The following BCR variants were observed in gnomAD, a reference collection of about 807,000 sequenced individuals.
The protein encoded by BCR is breakpoint cluster region protein.
In BCR, 58 loss-of-function variants were observed where a neutral mutation model predicts 138.6. The ratio of observed to expected loss-of-function variants is 0.42; its 90% CI spans 0.34 to 0.52. The LOEUF is 0.52. Among genes scored for constraint, BCR ranks in the 20% least tolerant of loss-of-function variants. The pLI is 0.06. For synonymous variants in BCR, 786 were observed against 730.1 expected, an observed-to-expected ratio of 1.08 and a Z score of -1.23; for missense variants, 1,599 against 1,727.2, an observed-to-expected ratio of 0.93 and a Z score of 1.32.
intron 16 of BCR, among the ~76,000 whole-genome samples, chr22:23,304,042 TC>T (rs780515277): frequency 6.6e-5 from 10 of 151,076 alleles, no homozygotes; most frequent in Non-Finnish European, 7.4e-5. Context: ...CAAGTGCTCT[TC>T]CTACCTTAGC....
At chr22:23,264,311 T>C in intron 4 of BCR, 1 of 977,826 alleles carries the variant, frequency 1.0e-6, no homozygotes, top group Non-Finnish European at 1.7e-6. Flanking sequence ...AGCATCTCTA[T>C]GCTGCGCTGT....
intron 1 of BCR, among the ~76,000 whole-genome samples, chr22:23,210,923 T>C (rs1321773144): frequency 6.6e-6 from 1 of 152,204 alleles, no homozygotes; most frequent in Non-Finnish European, 1.5e-5. Context: ...ATACATACCA[T>C]AGAGTTCACC....
chr22:23,292,287 G>A (rs1222776838), intron 14 of BCR, among the ~76,000 whole-genome samples: 1 of 152,216 alleles, frequency 6.6e-6, no homozygotes, highest in Non-Finnish European at 1.5e-5. Flanking sequence ...GATCGACTGA[G>A]TGAACGAATG....
At chr22:23,251,115 T>C (rs757067638) in intron 1 of BCR, 3 of 152,308 alleles carry the variant, frequency 2.0e-5, no homozygotes, top group Non-Finnish European at 2.9e-5. Flanking sequence ...CTTCCTACTT[T>C]GGCTGCTATG....
chr22:23,290,305 C>A (rs775206504), intron 13 of BCR, 34 bp from the exon 14 acceptor site: 2 of 1,598,936 alleles, frequency 1.3e-6, no homozygotes, highest in East Asian at 2.2e-5. Context: ...TTTCCCGGGA[C>A]AACAGAAGCT....
chr22:23,218,625 G>T lies in BCR; in HGVS notation c.1280-35174G>T, dbSNP rs116128953. Among the ~76,000 whole-genome samples, 428 of 152,328 alleles carry T rather than the reference G, an allele frequency of 2.8e-3. 3 individuals carry two copies. Among genetic ancestry groups the T allele is most frequent in the African/African-American group, 0.01 (417 of 41,568 alleles). On this transcript the variant is annotated intron_variant, in intron 1 of 22. Transcript: ENST00000305877. ...GCTGTTCTTCAGCTGTGGGACTCGT[G>T]TGGGGACAAGCTGAACAGTGTGCTG...
In BCR at chr22:23,180,591, C is replaced by CGGCG. The variant is rs1555958114; in HGVS notation, c.-370_-369insGGCG. On this transcript the variant is annotated 5_prime_UTR_variant, in exon 1 of 23. Transcript: ENST00000305877. The stretch of plus-strand genomic sequence containing the variant: ...GAGGAGGCGGCGGCGGCGGCGGCGG[C>CGGCG]ACGGCGGCGGCGGGGCTGTGGGGCG... 1.1e-4 allele frequency: 3 copies of CGGCG among 27,622 alleles called. No individual in the cohort carries two copies. Among genetic ancestry groups the CGGCG allele is most frequent in the East Asian group, 6.6e-4 (1 of 1,522 alleles). The allele number at this position is 27,622 out of a possible 1,614,324, so 1.7% of individuals were successfully genotyped here. A position where few individuals can be genotyped will look rare whatever the true frequency, so the allele number is the denominator to read the frequency against.
intron 1 of BCR, among the ~76,000 whole-genome samples, chr22:23,185,769 C>T (rs1474166405): frequency 2.0e-5 from 3 of 150,152 alleles, no homozygotes; most frequent in Non-Finnish European, 3.0e-5. Flanking sequence ...CGCTCTGTCG[C>T]CCAGGCTGGA....
rs1438580152 is a variant in BCR at position 23,317,078 on chromosome 22, T to C, written c.*1556T>C. The C allele has an allele frequency of 5.6e-6, 1 of 178,396 alleles. No individual in the cohort carries two copies. The highest frequency in any genetic ancestry group is 1.1e-5 in the Non-Finnish European group (1 of 91,230). The allele number at this position is 178,396 out of a possible 1,614,324, so 11.1% of individuals were successfully genotyped here. ...CACCAGCACCCAGTGCGGCTCTGTC[T>C]GGCACCCGCTCCCAAGGTGGGAGGA... On this transcript the variant is annotated 3_prime_UTR_variant, in exon 23 of 23. Transcript: ENST00000305877.
intron 1 of BCR, among the ~76,000 whole-genome samples, chr22:23,210,625 A>C (rs921302742): frequency 6.6e-6 from 1 of 152,122 alleles, no homozygotes; most frequent in African/African-American, 2.4e-5. Context: ...AACTTGCATT[A>C]CCCCTTGTTC....
intron 1 of BCR, among the ~76,000 whole-genome samples, chr22:23,233,766 G>A (rs544799514): frequency 6.7e-6 from 1 of 150,232 alleles, no homozygotes; most frequent in South Asian, 2.1e-4. Flanking sequence ...CGCCAGCCTG[G>A]GTGACAGAGC....
Position 23,312,365 on chromosome 22 carries a change from A to C in BCR, c.3323-522A>C, listed in dbSNP as rs114878096. 878 of 183,464 alleles carry C rather than the reference A, an allele frequency of 4.8e-3. 7 individuals are homozygous for C. The highest frequency in any genetic ancestry group is 0.019 in the African/African-American group (817 of 43,056). The allele number at this position is 183,464 out of a possible 1,614,324, so 11.4% of individuals were successfully genotyped here. On this transcript the variant is annotated intron_variant, in intron 19 of 22. Transcript: ENST00000305877. Reference sequence around the variant, plus strand: ...ACCCTTCTTTGGGGCACACACCACCAACCCTGACCAGGACCCCTAGAATGC... The same window carrying C: ...ACCCTTCTTTGGGGCACACACCACCCACCCTGACCAGGACCCCTAGAATGC...
intron 15 of BCR, among the ~76,000 whole-genome samples, chr22:23,294,141 G>A (rs1402063863): frequency 2.0e-5 from 3 of 152,148 alleles, no homozygotes. Context: ...GAGTTCCCAT[G>A]TACCTCCTGC....
At chr22:23,313,107 GA>G (rs1417367916) in intron 20 of BCR, 86 bp downstream of exon 20, 1 of 1,487,218 alleles carries the variant, frequency 6.7e-7, no homozygotes, top group Non-Finnish European at 9.1e-7. Flanking sequence ...TGAGGTGTGG[GA>G]ACCCAAGCTG....
intron 19 of BCR, 49 bp from the exon 20 acceptor site, chr22:23,312,838 C>G: frequency 6.3e-7 from 1 of 1,594,026 alleles, no homozygotes; most frequent in Non-Finnish European, 8.5e-7. Flanking sequence ...TGGTGGGAGA[C>G]TCACTCGGGA....
intron 1 of BCR, among the ~76,000 whole-genome samples, chr22:23,240,100 C>T (rs1027408619): frequency 9.9e-5 from 15 of 152,012 alleles, no homozygotes; most frequent in Admixed American, 1.3e-4. Context: ...TGAGCCACCA[C>T]GCCAGGCCAC....
chr22:23,263,193 C>CCGGCTG (rs1302021090), intron 4 of BCR: 2 of 897,326 alleles, frequency 2.2e-6, no homozygotes, highest in Admixed American at 2.9e-5. Flanking sequence ...AGCCGCCTGC[C>CCGGCTG]CGGCTGCGGG....
At chr22:23,234,686 G>A (rs1007352280) in intron 1 of BCR, among the ~76,000 whole-genome samples, 5 of 145,946 alleles carry the variant, frequency 3.4e-5, no homozygotes, top group Admixed American at 3.4e-4. Flanking sequence ...GTGAGCCGAG[G>A]CCCAGAATGG....
intron 8 of BCR, among the ~76,000 whole-genome samples, chr22:23,274,947 C>CTCTTTCT (rs1030020695): frequency 2.0e-5 from 3 of 149,758 alleles, no homozygotes; most frequent in Non-Finnish European, 4.4e-5. Context: ...CCACCTCCTT[C>CTCTTTCT]TCTTTCTTCT....
Sources: allele counts gnomAD v4.1 joint callset (sites outside exome capture counted in the v4.1 genomes callset), GRCh38; gene constraint gnomAD v4.1.1; transcripts MANE v1.5; gene names NCBI Gene and HGNC (gene_info 2026-07-23, HGNC 2026-07-21).